HGF: variants seen among roughly 807,000 people sequenced by gnomAD.
HGF encodes the protein hepatocyte growth factor.
In HGF, 39 loss-of-function variants were observed where a neutral mutation model predicts 111.6. The observed-to-expected ratio is 0.35, with a 90% confidence interval of 0.27 to 0.46. The LOEUF is 0.46. HGF is among the 20% of genes least tolerant of loss of function. The probability of loss-of-function intolerance (pLI) is 1.00; values close to 1 mark genes in which losing one functional copy is unlikely to be tolerated. For synonymous variants in HGF, 285 were observed against 294.8 expected, an observed-to-expected ratio of 0.97 and a Z score of 0.34; for missense variants, 735 against 910.5, an observed-to-expected ratio of 0.81 and a Z score of 2.48.
chr7:81,707,823 G>A (rs937202940), intron 13 of HGF, among the ~76,000 whole-genome samples: 2 of 152,000 alleles, frequency 1.3e-5, no homozygotes, highest in African/African-American at 2.4e-5. Flanking sequence ...AATTTTATTC[G>A]TGCACTATTT....
chr7:81,707,562 T>C lies in HGF; in HGVS notation c.1542-198A>G, dbSNP rs5745744. 8.7e-4 allele frequency among the ~76,000 whole-genome samples: 132 copies of C among 152,268 alleles called. No individual in the cohort carries two copies. In the South Asian group the frequency reaches 0.027, roughly 31 times the overall value. ...GGTGATTGTAGCGTTAGCTTTTTTT[T>C]CATAATGTGACTATAAATTTATGAA... On this transcript the variant is annotated intron_variant, in intron 13 of 17. Transcript: ENST00000222390.
At position 81,762,774 on chromosome 7, in the gene HGF, T is replaced by C. The variant is rs974665951; in HGVS notation, c.187A>G (p.Lys63Glu). The change falls in exon 2 of 18, where the codon AAA (lysine) becomes GAA (glutamate). Residue 63 changes from lysine (K) to glutamate (E), a missense_variant. By Grantham distance (56) the Lys-to-Glu change is moderately conservative. Around this residue, in one of 3 missense-constraint regions of HGF, gnomAD observed 553 missense variants for 685.6 expected, o/e 0.81. Coordinates refer to ENST00000222390, the MANE Select transcript of HGF (RefSeq NM_000601.6). ...IDPALKIKTK[K>E]VNTADQCANR... ...GCACATTGGTCTGCAGTATTCACTT[T>C]TTTGGTTTTTATCTTCAGTGCTGGA... 1.9e-6 allele frequency: 3 copies of C among 1,612,580 alleles called. No homozygotes were observed. Among genetic ancestry groups the C allele is most frequent in the Non-Finnish European group, 2.5e-6 (3 of 1,178,704 alleles).
At position 81,760,680 on chromosome 7, in the gene HGF, CGTGTGTGTGT is replaced by C. The variant is rs55865050; in HGVS notation, c.255-1886_255-1877del. ...ATACATATGTGTGTCTATGTGCGTG[CGTGTGTGTGT>C]GTGTGTGTGTGTGTGTGTGTGTGTG... On this transcript the variant is annotated intron_variant, in intron 2 of 17. Transcript: ENST00000222390. Among the ~76,000 whole-genome samples, 785 of 139,552 alleles carry C rather than the reference CGTGTGTGTGT, an allele frequency of 5.6e-3. 9 individuals carry two copies. The highest frequency in any genetic ancestry group is 9.0e-3 in the South Asian group (37 of 4,090). The allele number at this position is 139,552 out of a possible 152,430, so 91.6% of individuals were successfully genotyped here.
intron 14 of HGF, 129 bp downstream of exon 14, chr7:81,707,161 A>T (rs1241387736): frequency 1.5e-6 from 1 of 661,730 alleles, no homozygotes; most frequent in Non-Finnish European, 2.7e-6. Flanking sequence ...AAATTCTAAA[A>T]ATGAAATAAT....
chr7:81,769,122 T>C (rs1172562195), intron 1 of HGF, among the ~76,000 whole-genome samples: 2 of 152,130 alleles, frequency 1.3e-5, no homozygotes, highest in Admixed American at 6.6e-5. Flanking sequence ...TGTTTCCTCT[T>C]GCCCTGATAA....
At chr7:81,726,106 A>G (rs957839548) in intron 8 of HGF, 89 bp from the exon 9 acceptor site, 1 of 1,277,888 alleles carries the variant, frequency 7.8e-7, no homozygotes, top group Non-Finnish European at 1.1e-6. Flanking sequence ...TCTAGAATGT[A>G]TGCATGTTTA....
chr7:81,706,485 T>G (rs200799622), intron 14 of HGF, 58 bp from the exon 15 acceptor site: 2 of 1,362,422 alleles, frequency 1.5e-6, no homozygotes, highest in Non-Finnish European at 2.1e-6. Flanking sequence ...TTCTGTAGTA[T>G]TATTCCTATC....
chr7:81,719,640 T>C (rs1789802956), intron 10 of HGF, among the ~76,000 whole-genome samples: 1 of 152,228 alleles, frequency 6.6e-6, no homozygotes, highest in African/African-American at 2.4e-5. Flanking sequence ...ATTTTGCCTG[T>C]TTATTTTTAC....
chr7:81,739,393 G>C (rs1787932197), intron 7 of HGF, among the ~76,000 whole-genome samples: 1 of 151,984 alleles, frequency 6.6e-6, no homozygotes, highest in Admixed American at 6.6e-5. Flanking sequence ...AAGATGTCTT[G>C]TGACCTAAGG....
chr7:81,753,880 T>C (rs1788622326), intron 4 of HGF, among the ~76,000 whole-genome samples: 1 of 151,994 alleles, frequency 6.6e-6, no homozygotes, highest in Non-Finnish European at 1.5e-5. Flanking sequence ...TCACAATTCC[T>C]AACAGTAAAC....
intron 12 of HGF, 51 bp from the exon 13 acceptor site, chr7:81,710,294 C>T (rs367546079): frequency 2.8e-5 from 33 of 1,180,612 alleles, no homozygotes; most frequent in Non-Finnish European, 4.2e-5. Context: ...TTGAAATAAT[C>T]AGTGCCTCTT....
rs554011755 is a variant in HGF, at chr7:81,707,077, A to G, written c.1616+213T>C. Reference sequence around the variant, plus strand: ...AAAATTTTCCCCAACTGAGGGTAACACTAATTGTGAAAAGAGGTGAACTGA... The same window carrying G: ...AAAATTTTCCCCAACTGAGGGTAACGCTAATTGTGAAAAGAGGTGAACTGA... On this transcript the variant is annotated intron_variant, in intron 14 of 17. Coordinates refer to ENST00000222390, the MANE Select transcript of HGF (RefSeq NM_000601.6). 2.4e-4 allele frequency among the ~76,000 whole-genome samples: 36 copies of G among 152,214 alleles called. No homozygotes were observed. The South Asian group carries it at 7.1e-3, about 30-fold the overall frequency.
At chr7:81,716,965 T>G (rs1484738824) in intron 11 of HGF, among the ~76,000 whole-genome samples, 1 of 152,120 alleles carries the variant, frequency 6.6e-6, no homozygotes, top group East Asian at 1.9e-4. Flanking sequence ...ATTAATGCTT[T>G]CGGAATCCCA....
chr7:81,755,903 A>G, intron 4 of HGF: 2 of 652,804 alleles, frequency 3.1e-6, no homozygotes, highest in Non-Finnish European at 5.5e-6. Flanking sequence ...AATTAGGCCA[A>G]GATCATAGGT....
chr7:81,736,107 C>G (rs10225296), intron 7 of HGF, among the ~76,000 whole-genome samples: 125,125 of 152,072 alleles, frequency 0.82, 51,961 homozygotes, highest in African/African-American at 0.93. Flanking sequence ...GATCTACCCA[C>G]GTCTCACTTC....
rs1338419310 is a variant in HGF at position 81,702,772 on chromosome 7, T to C, written c.2011-15A>G. 2 of 1,605,198 alleles carry C rather than the reference T, an allele frequency of 1.2e-6. No homozygotes were observed. The highest frequency in any genetic ancestry group is 2.2e-5 in the East Asian group (1 of 44,666). ...CCATAATCCCCCTAGGAGTAAGACA[T>C]ACAAAAACAAAGTATTATTAGGAAT... is the stretch of plus-strand genomic sequence containing the variant. On this transcript the variant is annotated splice_polypyrimidine_tract_variant and intron_variant, in intron 17 of 17. Coordinates refer to ENST00000222390, the MANE Select transcript of HGF (RefSeq NM_000601.6).
intron 11 of HGF, among the ~76,000 whole-genome samples, chr7:81,714,259 T>C (rs1477353569): frequency 5.3e-5 from 8 of 152,096 alleles, no homozygotes; most frequent in African/African-American, 2.4e-5. Flanking sequence ...TATGAACTAT[T>C]TAAAATTAAG....
intron 3 of HGF, among the ~76,000 whole-genome samples, chr7:81,757,730 TG>T (rs1788850739): frequency 6.6e-6 from 1 of 152,190 alleles, no homozygotes; most frequent in Non-Finnish European, 1.5e-5. Context: ...TGTGGATTTT[TG>T]TTTATATATG....
At chr7:81,711,582 C>T in intron 11 of HGF, 63 bp from the exon 12 acceptor site, 2 of 685,688 alleles carry the variant, frequency 2.9e-6, no homozygotes, top group East Asian at 5.7e-5. Context: ...TTATATAAAA[C>T]CAAATATATA....
Sources: gnomAD v4.1 joint callset for allele counts (sites outside exome capture counted in the v4.1 genomes callset) on GRCh38, gnomAD v4.1.1 for gene constraint, gnomAD v4.1.1 regional missense constraint, MANE v1.5 for transcripts, NCBI Gene and HGNC (gene_info 2026-07-23, HGNC 2026-07-21) for gene names.